The following LMBRD1 variants were observed in gnomAD, a reference collection of about 807,000 sequenced individuals.
LMBRD1 encodes LMBR1 domain containing 1, also known as lysosomal cobalamin transport escort protein LMBD1.
A neutral mutation model predicts 74.8 loss-of-function variants in LMBRD1; 64 were observed. The observed-to-expected ratio is 0.86, with a 90% CI of 0.70 to 1.05. The LOEUF (loss-of-function observed/expected upper bound fraction) is 1.05, where lower values mean the gene tolerates loss of function less well. LMBRD1 is among the 50% of genes least tolerant of loss of function. The pLI is 0.00. For synonymous variants in LMBRD1, 204 were observed against 216.3 expected, an observed-to-expected ratio of 0.94 and a Z score of 0.50; for missense variants, 652 against 645.9, an observed-to-expected ratio of 1.01 and a Z score of -0.10.
chr6:69,703,676 A>G (rs1766184800), intron 9 of LMBRD1, among the ~76,000 whole-genome samples: 2 of 152,044 alleles, frequency 1.3e-5, no homozygotes, highest in African/African-American at 2.4e-5. Context: ...TGATGACCAC[A>G]TTGGGTTGAC....
At chr6:69,751,004 A>G (rs898366726) in intron 4 of LMBRD1, among the ~76,000 whole-genome samples, 10 of 152,288 alleles carry the variant, frequency 6.6e-5, no homozygotes, top group African/African-American at 1.9e-4. Flanking sequence ...ACAAAATCCT[A>G]TAAGTCAAAA....
At chr6:69,689,237 A>G (rs1332969048) in intron 14 of LMBRD1, among the ~76,000 whole-genome samples, 2 of 152,136 alleles carry the variant, frequency 1.3e-5, no homozygotes. Flanking sequence ...ACTAGCAGAC[A>G]GTTAAAAAAT....
In LMBRD1 at chr6:69,675,916, G is replaced by T; in HGVS notation, c.*242C>A. 1 of 467,028 alleles carries T rather than the reference G, an allele frequency of 2.1e-6. No individual in the cohort carries two copies. Among genetic ancestry groups the T allele is most frequent in the Non-Finnish European group, 3.9e-6 (1 of 257,886 alleles). The allele number at this position is 467,028 out of a possible 1,614,324, so 28.9% of individuals were successfully genotyped here. ...ATTATACATTAGAGGAAAAAATTTT[G>T]CACAAACATTCCCTCACAAAGCCAG... On this transcript the variant is annotated 3_prime_UTR_variant, in exon 16 of 16. Coordinates refer to ENST00000649934, the MANE Select transcript of LMBRD1 (RefSeq NM_018368.4).
chr6:69,768,675 C>A (rs1765519340), intron 3 of LMBRD1, among the ~76,000 whole-genome samples: 2 of 151,918 alleles, frequency 1.3e-5, no homozygotes, highest in Non-Finnish European at 1.5e-5. Flanking sequence ...TTTCTGATTT[C>A]TTTCTTCCTA....
intron 7 of LMBRD1, among the ~76,000 whole-genome samples, chr6:69,726,037 G>GA (rs1320903993): frequency 6.6e-6 from 1 of 151,990 alleles, no homozygotes; most frequent in Non-Finnish European, 1.5e-5. Flanking sequence ...CAACTCTACA[G>GA]AAAAAAGCCT....
chr6:69,796,210 G>C (rs1766223805), intron 1 of LMBRD1, among the ~76,000 whole-genome samples: 1 of 152,084 alleles, frequency 6.6e-6, no homozygotes, highest in Non-Finnish European at 1.5e-5. Context: ...GAGGGCTACA[G>C]CTCCGCCCTC....
In LMBRD1 at chr6:69,751,417, C is replaced by T. The variant is rs564042855; in HGVS notation, c.405+842G>A. Among the ~76,000 whole-genome samples the T allele has an allele frequency of 8.6e-5, 13 of 151,992 alleles. No homozygotes were observed. In the South Asian group the frequency reaches 2.7e-3, roughly 32 times the overall value. ...TCTCGGCTCACTGCAACCTCCGCCTCGCGGGTTCAAGCAATTCTCCTGCCT... is the reference window on the plus strand; with the variant it reads ...TCTCGGCTCACTGCAACCTCCGCCTTGCGGGTTCAAGCAATTCTCCTGCCT... On this transcript the variant is annotated intron_variant, in intron 4 of 15. Transcript: ENST00000649934.
At chr6:69,772,312 GAAGA>G (rs1402558224) in intron 3 of LMBRD1, among the ~76,000 whole-genome samples, 2 of 152,222 alleles carry the variant, frequency 1.3e-5, no homozygotes, top group East Asian at 3.9e-4. Flanking sequence ...TAAAAGGTCA[GAAGA>G]AAGAGAACGA....
intron 8 of LMBRD1, among the ~76,000 whole-genome samples, chr6:69,717,756 G>A (rs1024754038): frequency 3.9e-5 from 6 of 152,092 alleles, no homozygotes; most frequent in African/African-American, 9.7e-5. Context: ...GGAGTGCAGC[G>A]GCACGATCAT....
intron 1 of LMBRD1, chr6:69,790,815 AAG>A (rs1766066498): frequency 2.9e-6 from 1 of 348,040 alleles, no homozygotes; most frequent in Non-Finnish European, 5.5e-6. Flanking sequence ...TCCAACCTAA[AAG>A]AGATATGAGT....
At chr6:69,705,874 G>T (rs2149847971) in intron 9 of LMBRD1, 1 of 1,343,072 alleles carries the variant, frequency 7.4e-7, no homozygotes, top group South Asian at 1.2e-5. Context: ...GACCACTGGT[G>T]GTGTTATTTC....
chr6:69,757,744 G>C (rs968192931), intron 3 of LMBRD1, among the ~76,000 whole-genome samples: 2 of 152,024 alleles, frequency 1.3e-5, no homozygotes, highest in Non-Finnish European at 2.9e-5. Context: ...CATTTTCAAA[G>C]GCAAATTATT....
At chr6:69,701,567 G>C in intron 10 of LMBRD1, 22 bp from the exon 11 acceptor site, 2 of 1,414,998 alleles carry the variant, frequency 1.4e-6, no homozygotes, top group Non-Finnish European at 2.0e-6. Context: ...TACAAAGAAT[G>C]AAATTTATGT....
chr6:69,698,695 G>T (rs1182574309), intron 13 of LMBRD1, among the ~76,000 whole-genome samples: 1 of 151,774 alleles, frequency 6.6e-6, no homozygotes, highest in East Asian at 1.9e-4. Context: ...GACATGCTGT[G>T]CTCACCAAAA....
chr6:69,742,799 T>C (rs1767132124), intron 5 of LMBRD1, among the ~76,000 whole-genome samples: 2 of 152,164 alleles, frequency 1.3e-5, no homozygotes, highest in African/African-American at 4.8e-5. Context: ...TCTAAAATTT[T>C]CTTTTTAATT....
chr6:69,752,592 T>G (rs1228769530), intron 3 of LMBRD1, among the ~76,000 whole-genome samples: 3 of 152,172 alleles, frequency 2.0e-5, no homozygotes, highest in Non-Finnish European at 4.4e-5. Flanking sequence ...TTTACAGCAA[T>G]TTCTAACAAT....
At chr6:69,734,102 T>A (rs142674211) in intron 7 of LMBRD1, among the ~76,000 whole-genome samples, 1 of 152,340 alleles carries the variant, frequency 6.6e-6, no homozygotes, top group East Asian at 1.9e-4. Context: ...CCAATTATTA[T>A]AATTTTATTG....
rs184229204 is a variant in LMBRD1 at position 69,793,436 on chromosome 6, G to A, written c.70-2964C>T. ...GTCACATATTTGGTATTTCTAACAA[G>A]TTCCCAGATGATGCCCACACTTTAA... On this transcript the variant is annotated intron_variant, in intron 1 of 15. Coordinates refer to ENST00000649934, the MANE Select transcript of LMBRD1 (RefSeq NM_018368.4). Among the ~76,000 whole-genome samples the A allele has an allele frequency of 4.6e-5, 7 of 152,308 alleles. No individual in the cohort carries two copies. In the East Asian group the frequency reaches 7.7e-4, roughly 17 times the overall value.
intron 3 of LMBRD1, among the ~76,000 whole-genome samples, chr6:69,772,697 T>C (rs995592848): frequency 1.3e-5 from 2 of 152,098 alleles, no homozygotes; most frequent in African/African-American, 4.8e-5. Flanking sequence ...TCAAACAAGA[T>C]TTTGTAAAAA....
Sources: allele counts gnomAD v4.1 joint callset (sites outside exome capture counted in the v4.1 genomes callset), GRCh38; gene constraint gnomAD v4.1.1; transcripts MANE v1.5; gene names NCBI Gene and HGNC (gene_info 2026-07-23, HGNC 2026-07-21).